The following SKI variants were observed in gnomAD, a reference collection of about 807,000 sequenced individuals.
SKI encodes the protein ski oncogene.
A neutral mutation model predicts 59.3 loss-of-function variants in SKI; 23 were observed. The observed-to-expected ratio is 0.39, with a 90% CI of 0.28 to 0.55. The LOEUF (loss-of-function observed/expected upper bound fraction) is 0.55, where lower values mean the gene tolerates loss of function less well. SKI is among the 20% of genes least tolerant of loss of function. SKI has a pLI of 0.67. For missense variants in SKI, 1,017 were observed against 1,038.9 expected (o/e 0.98, Z 0.29); for synonymous variants, 673 against 488.6 (o/e 1.38, Z -4.98).
At chr1:2,277,452 T>C (rs1164022816) in intron 1 of SKI, among the ~76,000 whole-genome samples, 4 of 152,190 alleles carry the variant, frequency 2.6e-5, no homozygotes, top group Non-Finnish European at 1.5e-5. Flanking sequence ...GATAGGTTTA[T>C]TAGGGGTTTC....
At chr1:2,234,180 A>G (rs1387901193) in intron 1 of SKI, among the ~76,000 whole-genome samples, 1 of 152,070 alleles carries the variant, frequency 6.6e-6, no homozygotes, top group Non-Finnish European at 1.5e-5. Flanking sequence ...AAGCAGGGGA[A>G]ACAGCAGCTC....
At position 2,228,802 on chromosome 1, in the gene SKI, G is replaced by A. The variant is rs1372935125; in HGVS notation, c.36G>A (p.Gln12=). The change falls in exon 1 of 7, where the codon CAG becomes CAA. Residue 12 remains glutamine (Q), a synonymous_variant. Transcript: ENST00000378536. ...CGGCAGGCGGCCGCGGCTGTTTCCA[G>A]CCGCACCCGGGGCTGCAGAAGACGC... ...EAAAGGRGCF[Q]PHPGLQKTLE... 5 of 1,339,042 alleles carry A rather than the reference G, an allele frequency of 3.7e-6. No homozygotes were observed. The Admixed American group carries it at 1.1e-4, about 28-fold the overall frequency. 82.9% of individuals were successfully genotyped at this position (1,339,042 alleles called of 1,614,324 possible). A position where few individuals can be genotyped will look rare whatever the true frequency, so the allele number is the denominator to read the frequency against.
chr1:2,291,052 G>C (rs1476043532), intron 1 of SKI, among the ~76,000 whole-genome samples: 1 of 152,228 alleles, frequency 6.6e-6, no homozygotes, highest in Non-Finnish European at 1.5e-5. Flanking sequence ...AGGAGCGTCC[G>C]GGGAGGGAGC....
chr1:2,229,276 G>A lies in SKI; in HGVS notation c.510G>A (p.Ser170=). The A allele has an allele frequency of 6.3e-7, 1 of 1,597,090 alleles. No individual in the cohort carries two copies. The highest frequency in any genetic ancestry group is 8.5e-7 in the Non-Finnish European group (1 of 1,172,586). Residue 170 remains serine (S), a synonymous_variant, in exon 1 of 7, where the codon TCG becomes TCA. Transcript: ENST00000378536. The surrounding 1 kb of genome is among the most constrained non-coding windows in gnomAD (Gnocchi z 6.3). The stretch of plus-strand genomic sequence containing the variant: ...AAGTCATGGGCATCCTGCCCTTCTC[G>A]GCGCCCTCGTGCGGGCTCATCACCA... ...ILKVMGILPF[S]APSCGLITKT...
At chr1:2,305,128 C>T (rs1007675056) in intron 5 of SKI, among the ~76,000 whole-genome samples, 3 of 152,202 alleles carry the variant, frequency 2.0e-5, no homozygotes, top group East Asian at 3.9e-4. Context: ...GGGCTCGGCC[C>T]GCACAGACAC....
intron 1 of SKI, among the ~76,000 whole-genome samples, chr1:2,278,048 C>T (rs891185327): frequency 2.6e-5 from 4 of 152,248 alleles, no homozygotes; most frequent in Non-Finnish European, 4.4e-5. Flanking sequence ...CCGATGGCTT[C>T]GGCTTGCTGG....
Position 2,301,284 on chromosome 1 carries a change from C to T in SKI, c.970-1694C>T, listed in dbSNP as rs150897924. Reference sequence around the variant, plus strand: ...GACGTCATCAACACTCACTTCCCCTCGAAAGCCGCCACATAGAGGGGGTAT... The same window carrying T: ...GACGTCATCAACACTCACTTCCCCTTGAAAGCCGCCACATAGAGGGGGTAT... On this transcript the variant is annotated intron_variant, in intron 1 of 6. Coordinates refer to ENST00000378536, the MANE Select transcript of SKI (RefSeq NM_003036.4). Among the ~76,000 whole-genome samples, 570 of 152,342 alleles carry T rather than the reference C, an allele frequency of 3.7e-3. 4 individuals are homozygous for T. The highest frequency in any genetic ancestry group is 0.027 in the Middle Eastern group (8 of 294).
At chr1:2,286,595 C>T (rs72642133) in intron 1 of SKI, among the ~76,000 whole-genome samples, 2,322 of 152,302 alleles carry the variant, frequency 0.015, 23 homozygotes, top group Non-Finnish European at 0.022. Context: ...AATTAAAGTG[C>T]GTGTGCATTT....
intron 1 of SKI, among the ~76,000 whole-genome samples, chr1:2,292,564 G>A (rs1342470374): frequency 6.6e-6 from 1 of 152,206 alleles, no homozygotes; most frequent in Non-Finnish European, 1.5e-5. Context: ...GCAGTGTGGG[G>A]GCAGCTCTGA....
At position 2,306,283 on chromosome 1, in the gene SKI, C is replaced by G. The variant is rs987444646; in HGVS notation, c.1998+33C>G. Reference sequence around the variant, plus strand: ...GGTGGGGAGACTGAGGCACGCAGCACGGTGGGCGTGGAGCCGCCGTGGGCC... The same window carrying G: ...GGTGGGGAGACTGAGGCACGCAGCAGGGTGGGCGTGGAGCCGCCGTGGGCC... On this transcript the variant is annotated intron_variant, in intron 6 of 6. Coordinates refer to ENST00000378536, the MANE Select transcript of SKI (RefSeq NM_003036.4). 7 of 1,512,352 alleles carry G rather than the reference C, an allele frequency of 4.6e-6. No individual in the cohort carries two copies. In the African/African-American group the frequency reaches 9.7e-5, roughly 21 times the overall value. The allele number at this position is 1,512,352 out of a possible 1,614,324, so 93.7% of individuals were successfully genotyped here. A position where few individuals can be genotyped will look rare whatever the true frequency, so the allele number is the denominator to read the frequency against.
intron 1 of SKI, among the ~76,000 whole-genome samples, chr1:2,263,063 C>G (rs1639421973): frequency 6.6e-6 from 1 of 151,930 alleles, no homozygotes; most frequent in African/African-American, 2.4e-5. Context: ...CCACACCCAG[C>G]TAATTTTTTG....
chr1:2,283,037 G>C (rs533428012), intron 1 of SKI, among the ~76,000 whole-genome samples: 1 of 152,336 alleles, frequency 6.6e-6, no homozygotes, highest in African/African-American at 2.4e-5. Flanking sequence ...TCCTGTGGCT[G>C]TGGGGGCGCA....
chr1:2,274,487 C>T (rs1057432127), intron 1 of SKI, among the ~76,000 whole-genome samples: 5 of 152,154 alleles, frequency 3.3e-5, no homozygotes, highest in African/African-American at 1.2e-4. Context: ...CCCGAGGGCC[C>T]GTGTCCTGGT....
intron 1 of SKI, among the ~76,000 whole-genome samples, chr1:2,288,055 C>T (rs1205123658): frequency 6.6e-6 from 1 of 151,936 alleles, no homozygotes; most frequent in African/African-American, 2.4e-5. Flanking sequence ...ATGGCACGAT[C>T]TCGGCTCACC....
Position 2,228,648 on chromosome 1 carries a change from C to A in SKI, c.-119C>A. 2.7e-6 allele frequency: 1 copy of A among 368,782 alleles called. No homozygotes were observed. Among genetic ancestry groups the A allele is most frequent in the Non-Finnish European group, 3.7e-6 (1 of 271,218 alleles). 22.8% of individuals were successfully genotyped at this position (368,782 alleles called of 1,614,324 possible). A position where few individuals can be genotyped will look rare whatever the true frequency, so the allele number is the denominator to read the frequency against. ...GCGGCCGTGATCGGCCGTGAGCCGG[C>A]GGCGGGGGGCGGCCGGGGTCGGGGC... On this transcript the variant is annotated 5_prime_UTR_variant, in exon 1 of 7. Transcript: ENST00000378536.
rs1640655756 is a variant in SKI at position 2,308,474 on chromosome 1, C to T, written c.*1709C>T. 2 of 152,240 alleles carry T rather than the reference C, an allele frequency of 1.3e-5. No individual in the cohort carries two copies. The highest frequency in any genetic ancestry group is 1.3e-4 in the Admixed American group (2 of 15,286). 9.4% of individuals were successfully genotyped at this position (152,240 alleles called of 1,614,324 possible). A position where few individuals can be genotyped will look rare whatever the true frequency, so the allele number is the denominator to read the frequency against. The stretch of plus-strand genomic sequence containing the variant: ...TGCTTTTGTTTTCTTTGCGGTTGTT[C>T]TGTGTGCATGGATTCCACACCTCTG... On this transcript the variant is annotated 3_prime_UTR_variant, in exon 7 of 7. Coordinates refer to ENST00000378536, the MANE Select transcript of SKI (RefSeq NM_003036.4).
At chr1:2,238,926 T>C (rs1638807130) in intron 1 of SKI, among the ~76,000 whole-genome samples, 1 of 152,156 alleles carries the variant, frequency 6.6e-6, no homozygotes, top group South Asian at 2.1e-4. Flanking sequence ...AGATCTCAGC[T>C]GCTGCTTCCC....
intron 1 of SKI, among the ~76,000 whole-genome samples, chr1:2,291,191 C>T (rs929241959): frequency 2.0e-5 from 3 of 152,264 alleles, no homozygotes; most frequent in African/African-American, 2.4e-5. Context: ...TAAGCTATTT[C>T]AGCATTTACC....
In SKI at chr1:2,306,080, C is replaced by T. The variant is rs863223727; in HGVS notation, c.1828C>T (p.Arg610Cys). 2.5e-6 allele frequency: 4 copies of T among 1,602,216 alleles called. No homozygotes were observed. The highest frequency in any genetic ancestry group is 1.7e-6 in the Non-Finnish European group (2 of 1,175,858). ...EKLREATEAK[R>C]NLRKEIERLR... ...GCTGCGGGAGGCCACGGAGGCCAAG[C>T]GTAACCTGCGGAAGGAGATCGAGCG... The change falls in exon 6 of 7, where the codon CGT (arginine) becomes TGT (cysteine). Residue 610 changes from arginine (R) to cysteine (C), a missense_variant. Transcript: ENST00000378536.
Sources: gnomAD v4.1 joint callset for allele counts (sites outside exome capture counted in the v4.1 genomes callset) on GRCh38, gnomAD v4.1.1 for gene constraint, Gnocchi (gnomAD v3.1) non-coding constraint, MANE v1.5 for transcripts, NCBI Gene and HGNC (gene_info 2026-07-23, HGNC 2026-07-21) for gene names.